The following SIK3 variants were observed in gnomAD, a reference collection of about 807,000 sequenced individuals.
SIK3 encodes the protein SIK family kinase 3.
In SIK3, 28 loss-of-function variants were observed where a neutral mutation model predicts 144.2. The observed-to-expected ratio is 0.19, with a 90% confidence interval of 0.14 to 0.27. The LOEUF (loss-of-function observed/expected upper bound fraction) is 0.27. Among genes scored for constraint, SIK3 ranks in the 10% least tolerant of loss-of-function variants. The pLI, the probability that SIK3 is intolerant of heterozygous loss-of-function variation, is 1.00. For missense variants in SIK3, 1,319 were observed against 1,776.0 expected, an observed-to-expected ratio of 0.74 and a Z score of 4.62; for synonymous variants, 686 against 676.3, an observed-to-expected ratio of 1.01 and a Z score of -0.22.
At chr11:116,977,696 T>G (rs907258719) in intron 1 of SIK3, among the ~76,000 whole-genome samples, 3 of 152,194 alleles carry the variant, frequency 2.0e-5, no homozygotes, top group Admixed American at 1.3e-4. Flanking sequence ...GTCTTTGGTT[T>G]TTAACAATAA....
rs771029011 is a variant in SIK3 at position 116,923,858 on chromosome 11, TAAC to T, written c.616+3358_616+3360del. ...GACTCCTTGAATTTGTTTTAACTATTAACAACAACAACAACAGAAAAGTCTTTA... is the reference window on the plus strand; with the variant it reads ...GACTCCTTGAATTTGTTTTAACTATTAACAACAACAACAGAAAAGTCTTTA... On this transcript the variant is annotated intron_variant, in intron 4 of 24. Coordinates refer to ENST00000445177, the MANE Select transcript of SIK3 (RefSeq NM_001366686.3). 5.3e-5 allele frequency among the ~76,000 whole-genome samples: 8 copies of T among 152,326 alleles called. No individual in the cohort carries two copies. The East Asian group carries it at 5.8e-4, about 11-fold the overall frequency.
chr11:116,977,941 G>A (rs1252118474), intron 1 of SIK3, among the ~76,000 whole-genome samples: 6 of 152,186 alleles, frequency 3.9e-5, no homozygotes, highest in East Asian at 3.9e-4. Flanking sequence ...TCTGCAAGCC[G>A]GGTGCGGTGG....
intron 1 of SIK3, among the ~76,000 whole-genome samples, chr11:117,080,251 G>A (rs1421218150): frequency 6.6e-6 from 1 of 152,102 alleles, no homozygotes; most frequent in Non-Finnish European, 1.5e-5. Flanking sequence ...GGGTTAAAAA[G>A]AACAGAAAAA....
intron 21 of SIK3, chr11:116,856,819 G>A (rs926581007): frequency 2.0e-5 from 3 of 152,268 alleles, no homozygotes; most frequent in African/African-American, 7.2e-5. Flanking sequence ...AATTCCCCCT[G>A]GGGCTGAGTT....
chr11:116,927,405 G>A, intron 3 of SIK3, 25 bp from the exon 4 acceptor site: 3 of 1,604,364 alleles, frequency 1.9e-6, no homozygotes, highest in Non-Finnish European at 2.6e-6. Context: ...AATACAGTCA[G>A]TTTTCATTTT....
At chr11:117,081,328 T>C (rs1202311396) in intron 1 of SIK3, among the ~76,000 whole-genome samples, 1 of 152,088 alleles carries the variant, frequency 6.6e-6, no homozygotes, top group Non-Finnish European at 1.5e-5. Context: ...GTTTTTAAAG[T>C]CTTTGAGGCT....
At chr11:117,073,312 C>G (rs765051984) in intron 1 of SIK3, among the ~76,000 whole-genome samples, 3 of 152,172 alleles carry the variant, frequency 2.0e-5, no homozygotes, top group Non-Finnish European at 2.9e-5. Context: ...CCATAACAGA[C>G]AAGTTGTCTG....
intron 3 of SIK3, among the ~76,000 whole-genome samples, chr11:116,937,608 T>C (rs1266648021): frequency 6.6e-6 from 1 of 152,204 alleles, no homozygotes; most frequent in Non-Finnish European, 1.5e-5. Context: ...CTACTGGTAT[T>C]GTTTTCAATC....
At chr11:116,899,703 G>A (rs1452085609) in intron 4 of SIK3, among the ~76,000 whole-genome samples, 2 of 152,148 alleles carry the variant, frequency 1.3e-5, no homozygotes, top group African/African-American at 4.8e-5. Context: ...GCTACACTAA[G>A]ACAATGAGCA....
In SIK3 at chr11:116,875,418, C is replaced by T. The variant is rs765423099; in HGVS notation, c.1273G>A (p.Val425Ile). Reference sequence around the variant, plus strand: ...GGGTTGATCAGCTGCACCTGGGGAACGCTGATGTTCATAGCAGTACCTGCC... The same window carrying T: ...GGGTTGATCAGCTGCACCTGGGGAATGCTGATGTTCATAGCAGTACCTGCC... The part of the protein sequence containing the change: ...EQAGTAMNIS[V>I]PQVQLINPEN... Residue 425 changes from valine (V) to isoleucine (I), a missense_variant, in exon 10 of 25, where the codon GTT (valine) becomes ATT (isoleucine). Physicochemically the swap from Val to Ile is conservative, Grantham distance 29. Around this residue, in one of 8 missense-constraint regions of SIK3, gnomAD observed 109 missense variants for 109.3 expected, o/e 1.00. Coordinates refer to ENST00000445177, the MANE Select transcript of SIK3 (RefSeq NM_001366686.3). The T allele has an allele frequency of 2.6e-5, 42 of 1,614,070 alleles. No individual in the cohort carries two copies. Among genetic ancestry groups the T allele is most frequent in the African/African-American group, 9.3e-5 (7 of 74,926 alleles).
intron 4 of SIK3, among the ~76,000 whole-genome samples, chr11:116,898,951 G>A (rs1945586869): frequency 7.0e-6 from 1 of 142,128 alleles, no homozygotes; most frequent in Non-Finnish European, 1.5e-5. Flanking sequence ...AGTTTCTTTT[G>A]CTGTGCAGAA....
chr11:116,967,023 A>C lies in SIK3; in HGVS notation c.274-9959T>G, dbSNP rs550587470. Among the ~76,000 whole-genome samples, 227 of 149,566 alleles carry C rather than the reference A, an allele frequency of 1.5e-3. 6 individuals carry two copies. The highest frequency in any genetic ancestry group is 5.2e-3 in the African/African-American group (209 of 40,394). On this transcript the variant is annotated intron_variant, in intron 1 of 24. Transcript: ENST00000445177. ...TGTTTCAAAAAAAAAAAGAAAAAGA[A>C]AAAGAAAAAGAAAAGAAAAAAAGAA...
intron 19 of SIK3, 79 bp from the exon 20 acceptor site, chr11:116,859,683 C>T: frequency 1.6e-6 from 2 of 1,216,074 alleles, no homozygotes; most frequent in Non-Finnish European, 2.4e-6. Context: ...AATGAGAATA[C>T]TCAGACGACA....
intron 1 of SIK3, among the ~76,000 whole-genome samples, chr11:117,045,667 G>A (rs1757737286): frequency 6.6e-6 from 1 of 152,184 alleles, no homozygotes. Context: ...TAAATAAAAA[G>A]GGCAGTGGTG....
Position 116,859,610 on chromosome 11 carries a change from G to T in SIK3, c.2426-6C>A. 1.2e-6 allele frequency: 2 copies of T among 1,612,040 alleles called. No homozygotes were observed. Among genetic ancestry groups the T allele is most frequent in the South Asian group, 2.2e-5 (2 of 90,794 alleles). ...CTGGGAAGAAGATGCAGCCCCTGGA[G>T]AGAAAGGAACCTCAGAGTGACCAAG... On this transcript the variant is annotated splice_region_variant and splice_polypyrimidine_tract_variant and intron_variant, in intron 19 of 24. Transcript: ENST00000445177.
chr11:116,883,351 C>G (rs1357721274), intron 6 of SIK3, among the ~76,000 whole-genome samples: 1 of 152,188 alleles, frequency 6.6e-6, no homozygotes, highest in African/African-American at 2.4e-5. Flanking sequence ...CTTGTTATAA[C>G]ATGGACAGAA....
Position 116,849,078 on chromosome 11 carries a change from C to G in SIK3, c.3819+42G>C. On this transcript the variant is annotated intron_variant, in intron 22 of 24. Coordinates refer to ENST00000445177, the MANE Select transcript of SIK3 (RefSeq NM_001366686.3). This position sits in a 1 kb window ranked among gnomAD's most constrained non-coding sequence, Gnocchi z 4.2. Reference sequence around the variant, plus strand: ...ACTATACTCTGTTTCAAGGCTGGGACTGGGAGGATCCACCTCTGTGCAGCA... The same window carrying G: ...ACTATACTCTGTTTCAAGGCTGGGAGTGGGAGGATCCACCTCTGTGCAGCA... 5.8e-6 allele frequency: 9 copies of G among 1,543,580 alleles called. No homozygotes were observed. Among genetic ancestry groups the G allele is most frequent in the Non-Finnish European group, 7.9e-6 (9 of 1,140,390 alleles).
intron 1 of SIK3, among the ~76,000 whole-genome samples, chr11:117,086,523 T>C (rs1324076856): frequency 6.6e-6 from 1 of 151,958 alleles, no homozygotes. Context: ...ACCCCGTCTC[T>C]ACTAAAAATA....
intron 4 of SIK3, among the ~76,000 whole-genome samples, chr11:116,916,279 C>A (rs778604447): frequency 1.3e-5 from 2 of 152,166 alleles, no homozygotes; most frequent in Non-Finnish European, 2.9e-5. Context: ...ATGCCTACCA[C>A]TAGCAAACTG....
Sources: gnomAD v4.1 joint callset for allele counts (sites outside exome capture counted in the v4.1 genomes callset) on GRCh38, gnomAD v4.1.1 for gene constraint, gnomAD v4.1.1 regional missense constraint, Gnocchi (gnomAD v3.1) non-coding constraint, MANE v1.5 for transcripts, NCBI Gene and HGNC (gene_info 2026-07-23, HGNC 2026-07-21) for gene names.